The following TPX2 variants were observed in gnomAD, a reference collection of about 807,000 sequenced individuals.
TPX2 encodes the protein TPX2 microtubule nucleation factor, also known as targeting protein for Xklp2.
A neutral mutation model predicts 93.6 loss-of-function variants in TPX2; 21 were observed. The ratio of observed to expected loss-of-function variants is 0.22; its 90% CI spans 0.16 to 0.32. The LOEUF (loss-of-function observed/expected upper bound fraction) is 0.32. TPX2 is among the 10% of genes least tolerant of loss of function. TPX2 has a pLI of 1.00. For synonymous variants in TPX2, 281 were observed against 298.3 expected, an observed-to-expected ratio of 0.94 and a Z score of 0.60; for missense variants, 776 against 871.1, an observed-to-expected ratio of 0.89 and a Z score of 1.37.
At chr20:31,747,264 G>A (rs971757178) in intron 2 of TPX2, among the ~76,000 whole-genome samples, 20 of 152,090 alleles carry the variant, frequency 1.3e-4, no homozygotes, top group Non-Finnish European at 2.4e-4. Flanking sequence ...GGGATTAAAG[G>A]CACGTACCCA....
chr20:31,770,231 C>A, intron 5 of TPX2, 112 bp from the exon 6 acceptor site: 1 of 637,990 alleles, frequency 1.6e-6, no homozygotes, highest in South Asian at 5.6e-5. Flanking sequence ...GAGATAATAG[C>A]ACTCCATTTT....
At chr20:31,776,048 GTGTTTTTTTTTTTTT>G in intron 8 of TPX2, 60 bp downstream of exon 8, 1 of 329,166 alleles carries the variant, frequency 3.0e-6, no homozygotes, top group Non-Finnish European at 4.6e-6. Flanking sequence ...CTCTTGGTAG[GTGTTTTTTTTTTTTT>G]TTTTTTTTTT....
intron 7 of TPX2, among the ~76,000 whole-genome samples, chr20:31,774,074 G>A (rs1422474184): frequency 1.3e-5 from 2 of 152,070 alleles, no homozygotes; most frequent in Non-Finnish European, 2.9e-5. Context: ...GTTTTACCAC[G>A]TTGGCCAGGC....
At chr20:31,743,181 C>T (rs919513514) in intron 2 of TPX2, among the ~76,000 whole-genome samples, 2 of 152,168 alleles carry the variant, frequency 1.3e-5, no homozygotes, top group African/African-American at 4.8e-5. Context: ...CATCACTGCA[C>T]TCCAGCCAGC....
intron 7 of TPX2, among the ~76,000 whole-genome samples, 176 bp from the exon 8 acceptor site, chr20:31,775,691 A>G (rs983343997): frequency 6.6e-6 from 1 of 152,024 alleles, no homozygotes; most frequent in Non-Finnish European, 1.5e-5. Context: ...GTGCATTTTT[A>G]TTTATTTTCA....
chr20:31,799,471 G>A (rs1433358668), intron 17 of TPX2, among the ~76,000 whole-genome samples: 1 of 152,128 alleles, frequency 6.6e-6, no homozygotes, highest in Non-Finnish European at 1.5e-5. Flanking sequence ...GATGTTATGT[G>A]CTCACACTAC....
In TPX2 at chr20:31,768,048, TA is replaced by T. The variant is rs34664300; in HGVS notation, c.356+1367del. On this transcript the variant is annotated intron_variant, in intron 5 of 17. Coordinates refer to ENST00000300403, the MANE Select transcript of TPX2 (RefSeq NM_012112.5). ...TCAGGTGTAAGCAATCCTTCTGCCT[TA>T]GCCTCCTGAGTAGTGGAGACTACAG... is the stretch of plus-strand genomic sequence containing the variant. 8.1e-3 allele frequency among the ~76,000 whole-genome samples: 1,232 copies of T among 151,254 alleles called. 9 individuals carry two copies. The highest frequency in any genetic ancestry group is 0.012 in the Non-Finnish European group (787 of 67,854).
At position 31,778,944 on chromosome 20, in the gene TPX2, C is replaced by T; in HGVS notation, c.1014C>T (p.Thr338=). 6.2e-7 allele frequency: 1 copy of T among 1,605,372 alleles called. No homozygotes were observed. Among genetic ancestry groups the T allele is most frequent in the East Asian group, 2.2e-5 (1 of 44,690 alleles). The part of the protein sequence containing the change: ...AQQVEDFHKR[T]PNRYHLRSKK... Reference sequence around the variant, plus strand: ...AAGTTGAAGACTTCCATAAACGAACCCCTAACAGATATCATTTGAGGAGCA... The same window carrying T: ...AAGTTGAAGACTTCCATAAACGAACTCCTAACAGATATCATTTGAGGAGCA... The change falls in exon 10 of 18, where the codon ACC becomes ACT. Residue 338 remains threonine (T), a synonymous_variant. Coordinates refer to ENST00000300403, the MANE Select transcript of TPX2 (RefSeq NM_012112.5).
At chr20:31,783,963 A>T (rs372193870) in intron 12 of TPX2, 42 bp downstream of exon 12, 1 of 1,597,158 alleles carries the variant, frequency 6.3e-7, no homozygotes, top group South Asian at 1.1e-5. Context: ...TGTACTGCTC[A>T]TGACCAGATA....
intron 3 of TPX2, among the ~76,000 whole-genome samples, chr20:31,759,281 C>T (rs2061872000): frequency 6.6e-6 from 1 of 152,050 alleles, no homozygotes; most frequent in Admixed American, 6.6e-5. Flanking sequence ...CCTAGCTCTG[C>T]TCTACCCTCA....
At chr20:31,789,320 C>G (rs2062086107) in intron 12 of TPX2, among the ~76,000 whole-genome samples, 1 of 152,148 alleles carries the variant, frequency 6.6e-6, no homozygotes, top group Non-Finnish European at 1.5e-5. Context: ...CACCACAGCA[C>G]AAGCACTCTG....
chr20:31,768,395 G>A (rs886170118), intron 5 of TPX2, among the ~76,000 whole-genome samples: 2 of 147,994 alleles, frequency 1.4e-5, no homozygotes, highest in Admixed American at 6.8e-5. Context: ...GCCACTACGC[G>A]CGGCTAATTT....
chr20:31,769,211 A>T (rs996169552), intron 5 of TPX2, among the ~76,000 whole-genome samples: 2 of 151,286 alleles, frequency 1.3e-5, no homozygotes, highest in South Asian at 2.1e-4. Context: ...ATAATAATAA[A>T]AAAAAAAAAC....
intron 12 of TPX2, among the ~76,000 whole-genome samples, chr20:31,791,421 C>G (rs1401225161): frequency 2.6e-5 from 4 of 152,120 alleles, no homozygotes; most frequent in Non-Finnish European, 5.9e-5. Context: ...GTAGCTGGGA[C>G]TACAGGCACC....
At chr20:31,779,217 A>T (rs1419324546) in intron 10 of TPX2, among the ~76,000 whole-genome samples, 2 of 152,196 alleles carry the variant, frequency 1.3e-5, no homozygotes, top group Non-Finnish European at 2.9e-5. Context: ...AAGGGGAATG[A>T]GTTAAGGTAA....
intron 8 of TPX2, among the ~76,000 whole-genome samples, 173 bp from the exon 9 acceptor site, chr20:31,777,314 A>G (rs940097189): frequency 2.6e-5 from 4 of 152,210 alleles, no homozygotes; most frequent in African/African-American, 9.6e-5. Flanking sequence ...CTCAGTGAAT[A>G]TGACACATAT....
intron 15 of TPX2, among the ~76,000 whole-genome samples, chr20:31,795,375 C>T (rs531583169): frequency 1.7e-4 from 26 of 152,372 alleles, no homozygotes; most frequent in Non-Finnish European, 2.6e-4. Flanking sequence ...CTCAAGTGAT[C>T]TGCCCACCGT....
chr20:31,789,750 T>C (rs868567039), intron 12 of TPX2, among the ~76,000 whole-genome samples: 22 of 152,156 alleles, frequency 1.4e-4, no homozygotes, highest in African/African-American at 4.1e-4. Flanking sequence ...ATGATTTTCA[T>C]AAATCATCTT....
chr20:31,747,538 A>G (rs2061791762), intron 2 of TPX2, among the ~76,000 whole-genome samples: 1 of 152,166 alleles, frequency 6.6e-6, no homozygotes, highest in Non-Finnish European at 1.5e-5. Context: ...GATGGATGGC[A>G]TTGAATAGGC....
Sources: allele counts gnomAD v4.1 joint callset (sites outside exome capture counted in the v4.1 genomes callset), GRCh38; gene constraint gnomAD v4.1.1; transcripts MANE v1.5; gene names NCBI Gene and HGNC (gene_info 2026-07-23, HGNC 2026-07-21).